The following BCAT1 variants were observed in gnomAD, a reference collection of about 807,000 sequenced individuals.
BCAT1 encodes the protein branched-chain-amino-acid aminotransferase, cytosolic.
Under a neutral mutation model 52.4 loss-of-function variants are expected in BCAT1, and 48 were observed. The ratio of observed to expected loss-of-function variants is 0.92; its 90% CI spans 0.73 to 1.16. The LOEUF (loss-of-function observed/expected upper bound fraction) is 1.16. BCAT1 is among the 50% of genes most tolerant of loss of function. BCAT1 has a pLI of 0.00. For synonymous variants in BCAT1, 167 were observed against 161.3 expected (o/e 1.04, Z -0.27); for missense variants, 451 against 457.1 (o/e 0.99, Z 0.12).
At chr12:24,829,253 G>C (rs768389693) in intron 10 of BCAT1, among the ~76,000 whole-genome samples, 25 of 148,328 alleles carry the variant, frequency 1.7e-4, no homozygotes, top group Non-Finnish European at 2.8e-4. Context: ...GCATGGTGGC[G>C]CACACCTATA....
At chr12:24,934,695 G>T (rs1943727238) in intron 1 of BCAT1, among the ~76,000 whole-genome samples, 2 of 152,118 alleles carry the variant, frequency 1.3e-5, no homozygotes, top group South Asian at 2.1e-4. Context: ...TGGGACTATA[G>T]GTGCACACCA....
intron 1 of BCAT1, among the ~76,000 whole-genome samples, chr12:24,932,791 C>T (rs1376883993): frequency 6.6e-6 from 1 of 152,022 alleles, no homozygotes; most frequent in Non-Finnish European, 1.5e-5. Context: ...TGTGTGCCAC[C>T]ATGCCTGGTT....
intron 1 of BCAT1, among the ~76,000 whole-genome samples, chr12:24,915,011 C>T (rs571417966): frequency 9.2e-5 from 14 of 152,082 alleles, no homozygotes; most frequent in Admixed American, 2.0e-4. Flanking sequence ...CAACTTTTAC[C>T]CACAAAGATA....
chr12:24,881,058 T>C (rs1229691792), intron 4 of BCAT1, among the ~76,000 whole-genome samples: 3 of 152,108 alleles, frequency 2.0e-5, no homozygotes, highest in African/African-American at 4.8e-5. Context: ...TTGTCTCCAA[T>C]TCCTGGTTTC....
chr12:24,838,784 GA>G (rs1941081343), intron 7 of BCAT1, among the ~76,000 whole-genome samples: 1 of 152,118 alleles, frequency 6.6e-6, no homozygotes, highest in Admixed American at 6.5e-5. Flanking sequence ...ATACTTACAA[GA>G]GCCAGAAATC....
intron 1 of BCAT1, among the ~76,000 whole-genome samples, chr12:24,912,172 T>C (rs978387994): frequency 6.6e-6 from 1 of 152,176 alleles, no homozygotes; most frequent in Non-Finnish European, 1.5e-5. Flanking sequence ...ATCCACAACA[T>C]ATGCTCACGA....
At chr12:24,819,192 C>T (rs1219361468) in intron 10 of BCAT1, among the ~76,000 whole-genome samples, 1 of 151,954 alleles carries the variant, frequency 6.6e-6, no homozygotes, top group African/African-American at 2.4e-5. Context: ...GTTCACCGAG[C>T]CTTGTGTATT....
chr12:24,824,661 C>T (rs968000433), intron 10 of BCAT1, among the ~76,000 whole-genome samples: 1 of 152,108 alleles, frequency 6.6e-6, no homozygotes, highest in East Asian at 1.9e-4. Flanking sequence ...GGTGTATTAA[C>T]TGCTACAGAA....
intron 4 of BCAT1, among the ~76,000 whole-genome samples, chr12:24,879,916 C>A (rs1048173301): frequency 6.8e-4 from 103 of 152,322 alleles, no homozygotes; most frequent in African/African-American, 2.4e-3. Context: ...TGATGTCTAA[C>A]AAATATTACT....
intron 2 of BCAT1, among the ~76,000 whole-genome samples, chr12:24,896,728 T>C (rs1214681351): frequency 1.3e-5 from 2 of 152,006 alleles, no homozygotes; most frequent in Non-Finnish European, 2.9e-5. Context: ...GACACACCAG[T>C]GCACTCCAGC....
At chr12:24,878,480 A>G (rs1223284662) in intron 5 of BCAT1, 50 bp downstream of exon 5, 13 of 1,537,962 alleles carry the variant, frequency 8.5e-6, no homozygotes, top group Admixed American at 2.0e-5. Flanking sequence ...AACAATAAAC[A>G]ATAATAACTT....
chr12:24,880,837 G>GT (rs1271479028), intron 4 of BCAT1, among the ~76,000 whole-genome samples: 10 of 13,398 alleles, frequency 7.5e-4, no homozygotes, highest in South Asian at 8.5e-3. Flanking sequence ...TGGGTTTTTT[G>GT]TTTTTTGTTT....
At chr12:24,836,948 AAG>A (rs1940982708) in intron 7 of BCAT1, among the ~76,000 whole-genome samples, 1 of 117,236 alleles carries the variant, frequency 8.5e-6, no homozygotes, top group Admixed American at 8.2e-5. Context: ...GAAAGAAAGA[AAG>A]AAAGAAAAGA....
rs752919692 is a variant in BCAT1, at chr12:24,829,893, A to G, written c.1049T>C (p.Ile350Thr). The change falls in exon 10 of 11, where the codon ATA becomes ACA. Residue 350 changes from isoleucine (I) to threonine (T), a missense_variant. Physicochemically the swap from Ile to Thr is moderately conservative, Grantham distance 89. Transcript: ENST00000261192. The part of the protein sequence containing the change: ...VSDILYKGET[I>T]HIPTMENGPK... ...ACCATTCTCCATAGTTGGAATGTGT[A>G]TTGTCTACAAAAGAAAGGGAAATGA... 6.2e-7 allele frequency: 1 copy of G among 1,606,510 alleles called. No individual in the cohort carries two copies. The highest frequency in any genetic ancestry group is 8.5e-7 in the Non-Finnish European group (1 of 1,175,868).
chr12:24,922,664 A>C (rs1194828319), intron 1 of BCAT1, among the ~76,000 whole-genome samples: 1 of 152,060 alleles, frequency 6.6e-6, no homozygotes, highest in African/African-American at 2.4e-5. Flanking sequence ...CGAGGTCAGG[A>C]GATCAAGACC....
chr12:24,906,492 G>C (rs1370552387), intron 1 of BCAT1, among the ~76,000 whole-genome samples: 1 of 81,328 alleles, frequency 1.2e-5, no homozygotes, highest in Non-Finnish European at 2.8e-5. Flanking sequence ...GGGTGCGAAA[G>C]AGAATCTCTA....
At chr12:24,878,939 A>C (rs1942422360) in intron 4 of BCAT1, among the ~76,000 whole-genome samples, 1 of 152,148 alleles carries the variant, frequency 6.6e-6, no homozygotes, top group South Asian at 2.1e-4. Flanking sequence ...ATAAAACCAA[A>C]CAATTTTTTC....
At chr12:24,905,750 G>A (rs1943215664) in intron 1 of BCAT1, among the ~76,000 whole-genome samples, 2 of 152,034 alleles carry the variant, frequency 1.3e-5, no homozygotes, top group East Asian at 1.9e-4. Context: ...TAACCTAGGG[G>A]CAAGAGAAAC....
At chr12:24,846,857 G>A (rs10771132) in intron 6 of BCAT1, among the ~76,000 whole-genome samples, 145,774 of 152,264 alleles carry the variant, frequency 0.96, 70,085 homozygotes, top group East Asian at 1. Flanking sequence ...CAGACTGGGT[G>A]CTAAGTACTT....
Sources: allele counts gnomAD v4.1 joint callset (sites outside exome capture counted in the v4.1 genomes callset), GRCh38; gene constraint gnomAD v4.1.1; transcripts MANE v1.5; gene names NCBI Gene and HGNC (gene_info 2026-07-23, HGNC 2026-07-21).